SLC26A4: variants seen among roughly 807,000 people sequenced by gnomAD.
SLC26A4 encodes the protein solute carrier family 26 member 4.
In SLC26A4, 93 loss-of-function variants were observed where a neutral mutation model predicts 90.4. The observed-to-expected ratio is 1.03, with a 90% CI of 0.87 to 1.22. SLC26A4 has a LOEUF of 1.22. Ranked by LOEUF, SLC26A4 falls within the 50% of genes most tolerant of loss-of-function variation. The pLI is 0.00. For missense variants in SLC26A4, 1,127 were observed against 946.2 expected (o/e 1.19, Z -2.51); for synonymous variants, 393 against 354.6 (o/e 1.11, Z -1.22).
At chr7:107,686,400 C>A (rs964267554) in intron 8 of SLC26A4, among the ~76,000 whole-genome samples, 2 of 82,878 alleles carry the variant, frequency 2.4e-5, no homozygotes, top group East Asian at 1.0e-3. Context: ...CTTCCTCTCT[C>A]TCTTTTTTCT....
chr7:107,680,581 G>T (rs1018247210), intron 6 of SLC26A4, among the ~76,000 whole-genome samples: 4 of 150,562 alleles, frequency 2.7e-5, no homozygotes, highest in African/African-American at 7.3e-5. Context: ...TTCTATCATA[G>T]AGCTCTTCTT....
intron 8 of SLC26A4, among the ~76,000 whole-genome samples, chr7:107,686,532 G>C (rs1431233052): frequency 6.7e-6 from 1 of 150,012 alleles, no homozygotes; most frequent in Non-Finnish European, 1.5e-5. Context: ...CTGTCACCCA[G>C]CATGGAATGC....
At chr7:107,705,527 C>A (rs549828864) in intron 18 of SLC26A4, among the ~76,000 whole-genome samples, 1 of 152,270 alleles carries the variant, frequency 6.6e-6, no homozygotes, top group South Asian at 2.1e-4. Flanking sequence ...CTGTTTTAAC[C>A]AAGAAGTCTT....
At chr7:107,676,939 T>G (rs1251035982) in intron 6 of SLC26A4, among the ~76,000 whole-genome samples, 2 of 152,192 alleles carry the variant, frequency 1.3e-5, no homozygotes, top group African/African-American at 2.4e-5. Context: ...TTTGGGAGAC[T>G]GACACAGGTG....
At chr7:107,694,310 C>T in intron 10 of SLC26A4, 93 bp from the exon 11 acceptor site, 2 of 898,536 alleles carry the variant, frequency 2.2e-6, no homozygotes, top group South Asian at 2.7e-5. Context: ...TGAAGTGTGT[C>T]TGTGAACAGG....
intron 10 of SLC26A4, chr7:107,693,402 C>T (rs905842489): frequency 2.0e-6 from 2 of 985,260 alleles, no homozygotes; most frequent in African/African-American, 1.7e-5. Context: ...CAAGTGCTTT[C>T]TAATTTTCTG....
Position 107,683,903 on chromosome 7 carries a change from C to T in SLC26A4, c.1001+366C>T, listed in dbSNP as rs147054646. 2.0e-3 allele frequency among the ~76,000 whole-genome samples: 307 copies of T among 152,226 alleles called. 1 individual carries two copies. Among genetic ancestry groups the T allele is most frequent in the African/African-American group, 6.9e-3 (288 of 41,524 alleles). ...AACAATCTGCTTAAGGAATCAGGGA[C>T]GTCTGGCCTAAATTCTCTATCATTT... On this transcript the variant is annotated intron_variant, in intron 8 of 20. Transcript: ENST00000644269.
At chr7:107,691,007 C>T (rs1183745418) in intron 10 of SLC26A4, among the ~76,000 whole-genome samples, 3 of 151,730 alleles carry the variant, frequency 2.0e-5, no homozygotes, top group African/African-American at 7.3e-5. Flanking sequence ...GTCTCTTATG[C>T]CTTGAGGTCC....
At chr7:107,692,653 A>C (rs962573347) in intron 10 of SLC26A4, among the ~76,000 whole-genome samples, 6 of 152,178 alleles carry the variant, frequency 3.9e-5, no homozygotes, top group African/African-American at 1.4e-4. Flanking sequence ...ATTGTAGAAG[A>C]ATTAAACATT....
At position 107,701,100 on chromosome 7, in the gene SLC26A4, G is replaced by C. The variant is rs759414956; in HGVS notation, c.1708-1G>C. On this transcript the variant is annotated splice_acceptor_variant, in intron 15 of 20. Transcript: ENST00000644269. LOFTEE classifies it high-confidence loss of function. ...AAGTAACTTGACATTTATTTCCAAA[G>C]GTTGGATTTGATGCCATTAGAGTAT... is the stretch of plus-strand genomic sequence containing the variant. 6.3e-7 allele frequency: 1 copy of C among 1,583,922 alleles called. No homozygotes were observed. The highest frequency in any genetic ancestry group is 1.1e-5 in the South Asian group (1 of 90,468).
At chr7:107,695,830 G>A in intron 12 of SLC26A4, 103 bp from the exon 13 acceptor site, 1 of 777,494 alleles carries the variant, frequency 1.3e-6, no homozygotes, top group Non-Finnish European at 2.3e-6. Flanking sequence ...AAAAAAAAAT[G>A]TAATTTGTTT....
intron 12 of SLC26A4, 76 bp downstream of exon 12, chr7:107,694,792 C>G (rs1791692452): frequency 1.0e-6 from 1 of 965,014 alleles, no homozygotes; most frequent in Admixed American, 1.7e-5. Flanking sequence ...CACTATATTC[C>G]CCCCATCCCC....
intron 13 of SLC26A4, 21 bp downstream of exon 13, chr7:107,696,060 A>C: frequency 7.6e-7 from 1 of 1,310,512 alleles, no homozygotes; most frequent in East Asian, 2.3e-5. Flanking sequence ...TAAAACCCAG[A>C]TTTCCTATAA....
Position 107,661,210 on chromosome 7 carries a change from GC to G in SLC26A4, c.-4+356del, listed in dbSNP as rs1055973263. ...CCTGGAGCTGCGTCCCGGGTCAGGT[GC>G]GGGGAGGGAGGGAATCTCAGTGTCC... On this transcript the variant is annotated intron_variant, in intron 1 of 20. Coordinates refer to ENST00000644269, the MANE Select transcript of SLC26A4 (RefSeq NM_000441.2). This position sits in a 1 kb window ranked among gnomAD's most constrained non-coding sequence, Gnocchi z 5.1. The G allele has an allele frequency of 2.7e-4, 61 of 222,484 alleles. No individual in the cohort carries two copies. The highest frequency in any genetic ancestry group is 4.7e-4 in the Non-Finnish European group (52 of 111,334). 13.8% of individuals were successfully genotyped at this position (222,484 alleles called of 1,614,324 possible).
In SLC26A4 at chr7:107,710,182, G is replaced by T. The variant is rs17154353; in HGVS notation, c.2218G>T (p.Gly740Cys). The stretch of plus-strand genomic sequence containing the variant: ...CCAAGTGAAATCTCAAGAGGGTCAA[G>T]GTTCCATTTTAGAAACGGTAAATAT... Reference protein sequence around the residue: ...QNQVKSQEGQGSILETITLIQ... With the variant: ...QNQVKSQEGQCSILETITLIQ... The change falls in exon 19 of 21, where the codon GGT becomes TGT. Residue 740 changes from glycine (G) to cysteine (C), a missense_variant. Coordinates refer to ENST00000644269, the MANE Select transcript of SLC26A4 (RefSeq NM_000441.2). The T allele has an allele frequency of 8.7e-6, 14 of 1,604,814 alleles. No homozygotes were observed. Among genetic ancestry groups the T allele is most frequent in the Admixed American group, 6.7e-5 (4 of 59,980 alleles).
Position 107,683,341 on chromosome 7 carries a change from T to C in SLC26A4, c.905T>C (p.Ile302Thr), listed in dbSNP as rs751168399. 15 of 1,613,734 alleles carry C rather than the reference T, an allele frequency of 9.3e-6. No individual in the cohort carries two copies. Among genetic ancestry groups the C allele is most frequent in the Non-Finnish European group, 1.3e-5 (15 of 1,179,670 alleles). Residue 302 changes from isoleucine to threonine, a missense_variant, in exon 7 of 21, where the codon ATA becomes ACA. Coordinates refer to ENST00000644269, the MANE Select transcript of SLC26A4 (RefSeq NM_000441.2). ...CACAAAATCCCAGTCCCTATTCCTATAGAAGTAATTGTGGTAAGTAGAATA... is the reference window on the plus strand; with the variant it reads ...CACAAAATCCCAGTCCCTATTCCTACAGAAGTAATTGTGGTAAGTAGAATA... ...FRHKIPVPIP[I>T]EVIVTIIATA...
chr7:107,685,702 C>G (rs1235390268), intron 8 of SLC26A4, among the ~76,000 whole-genome samples: 3 of 152,226 alleles, frequency 2.0e-5, no homozygotes, highest in South Asian at 4.1e-4. Context: ...CACTCATTCT[C>G]CCATCCTGGG....
chr7:107,689,183 A>G lies in SLC26A4; in HGVS notation c.1132A>G (p.Thr378Ala), dbSNP rs750407802. The G allele has an allele frequency of 5.0e-6, 8 of 1,613,678 alleles. No individual in the cohort carries two copies. Among genetic ancestry groups the G allele is most frequent in the Non-Finnish European group, 6.8e-6 (8 of 1,179,726 alleles). ...GKVYATKYDY[T>A]IDGNQEFIAF... ...AGTATATGCCACCAAGTATGATTACACCATCGATGGGAACCAGGTATGGGT... is the reference window on the plus strand; with the variant it reads ...AGTATATGCCACCAAGTATGATTACGCCATCGATGGGAACCAGGTATGGGT... Residue 378 changes from threonine to alanine, a missense_variant, in exon 9 of 21, where the codon ACC (threonine) becomes GCC (alanine). Coordinates refer to ENST00000644269, the MANE Select transcript of SLC26A4 (RefSeq NM_000441.2).
chr7:107,712,648 ATATT>A, intron 20 of SLC26A4, 26 bp downstream of exon 20: 3 of 1,163,644 alleles, frequency 2.6e-6, no homozygotes, highest in Non-Finnish European at 2.6e-6. Context: ...TCTGAAGAAA[ATATT>A]TGAATTACAT....
Sources: gnomAD v4.1 joint callset for allele counts (sites outside exome capture counted in the v4.1 genomes callset) on GRCh38, gnomAD v4.1.1 for gene constraint, Gnocchi (gnomAD v3.1) non-coding constraint, MANE v1.5 for transcripts, NCBI Gene and HGNC (gene_info 2026-07-23, HGNC 2026-07-21) for gene names.